FAM83B: variants seen among roughly 807,000 people sequenced by gnomAD.
The protein encoded by FAM83B is protein FAM83B.
FAM83B carries 26 observed loss-of-function variants against 38.8 expected under a neutral mutation model. The ratio of observed to expected loss-of-function variants is 0.67; its 90% CI spans 0.49 to 0.93. The LOEUF (loss-of-function observed/expected upper bound fraction) is 0.93, where lower values mean the gene tolerates loss of function less well. Ranked by LOEUF, FAM83B falls within the 40% of genes least tolerant of loss-of-function variation. The pLI is 0.00. For synonymous variants in FAM83B, 419 were observed against 423.1 expected (o/e 0.99, Z 0.12); for missense variants, 1,237 against 1,197.3 (o/e 1.03, Z -0.49).
At chr6:54,863,437 G>C (rs987628078) in intron 1 of FAM83B, among the ~76,000 whole-genome samples, 4 of 150,780 alleles carry the variant, frequency 2.7e-5, no homozygotes, top group Non-Finnish European at 4.4e-5. Flanking sequence ...TTTTCCTGGT[G>C]AGCACCATGA....
At chr6:54,884,654 C>T (rs915888408) in intron 2 of FAM83B, among the ~76,000 whole-genome samples, 1 of 152,106 alleles carries the variant, frequency 6.6e-6, no homozygotes, top group African/African-American at 2.4e-5. Flanking sequence ...TGACCACTTA[C>T]ATATGGGTAT....
At chr6:54,891,278 C>T (rs1049111050) in intron 2 of FAM83B, among the ~76,000 whole-genome samples, 1 of 152,138 alleles carries the variant, frequency 6.6e-6, no homozygotes, top group African/African-American at 2.4e-5. Context: ...CCAAGACATG[C>T]CTGCAACCTT....
intron 3 of FAM83B, among the ~76,000 whole-genome samples, chr6:54,926,779 G>A (rs937077239): frequency 1.3e-5 from 2 of 152,102 alleles, no homozygotes; most frequent in Non-Finnish European, 2.9e-5. Context: ...CCCTCCCAGA[G>A]TGGAGTGCAC....
chr6:54,884,359 A>T (rs1772216568), intron 2 of FAM83B, among the ~76,000 whole-genome samples: 1 of 148,686 alleles, frequency 6.7e-6, no homozygotes, highest in African/African-American at 2.5e-5. Context: ...GCGCATGCCT[A>T]TGATCCCAGC....
At chr6:54,859,220 C>A (rs1035142490) in intron 1 of FAM83B, among the ~76,000 whole-genome samples, 3 of 152,108 alleles carry the variant, frequency 2.0e-5, no homozygotes. Flanking sequence ...CACCACCATG[C>A]CCAGCTAACT....
intron 2 of FAM83B, among the ~76,000 whole-genome samples, chr6:54,886,645 G>C (rs1772282393): frequency 6.6e-6 from 1 of 151,732 alleles, no homozygotes; most frequent in African/African-American, 2.4e-5. Context: ...CTTCATATTG[G>C]AGGTTTGTTC....
At chr6:54,932,310 C>G (rs1162350233) in intron 4 of FAM83B, among the ~76,000 whole-genome samples, 1 of 152,114 alleles carries the variant, frequency 6.6e-6, no homozygotes, top group East Asian at 1.9e-4. Flanking sequence ...CCATGCATGG[C>G]CTTACATAAA....
intron 2 of FAM83B, among the ~76,000 whole-genome samples, chr6:54,886,843 A>G (rs1772288120): frequency 6.6e-6 from 1 of 151,908 alleles, no homozygotes; most frequent in Admixed American, 6.6e-5. Context: ...GAATTGGAAA[A>G]TAATTTTTTC....
chr6:54,907,980 TA>T (rs1245685733), intron 2 of FAM83B, among the ~76,000 whole-genome samples: 1 of 151,992 alleles, frequency 6.6e-6, no homozygotes, highest in African/African-American at 2.4e-5. Context: ...ACTTAAGGAA[TA>T]AAAAATTACC....
At chr6:54,923,283 A>G (rs1342976588) in intron 2 of FAM83B, among the ~76,000 whole-genome samples, 1 of 152,116 alleles carries the variant, frequency 6.6e-6, no homozygotes, top group South Asian at 2.1e-4. Context: ...CATTTATCCT[A>G]CCTTCATTTC....
intron 2 of FAM83B, among the ~76,000 whole-genome samples, chr6:54,889,553 C>A (rs1427655603): frequency 6.6e-6 from 1 of 152,060 alleles, no homozygotes; most frequent in African/African-American, 2.4e-5. Flanking sequence ...TTGCATATAA[C>A]CTACATACAT....
At chr6:54,846,727 C>T (rs1048175503), upstream of FAM83B, 1 of 152,254 alleles carries the variant, frequency 6.6e-6, no homozygotes, top group African/African-American at 2.4e-5. Flanking sequence ...TAACTCCCCT[C>T]CCCTCCCTGC....
chr6:54,862,070 C>G (rs1771597794), intron 1 of FAM83B, among the ~76,000 whole-genome samples: 1 of 152,138 alleles, frequency 6.6e-6, no homozygotes, highest in African/African-American at 2.4e-5. Flanking sequence ...TCTAAGAAAA[C>G]CCAGGTGGGG....
At chr6:54,872,883 G>A (rs1187568488) in intron 2 of FAM83B, among the ~76,000 whole-genome samples, 1 of 151,904 alleles carries the variant, frequency 6.6e-6, no homozygotes, top group Non-Finnish European at 1.5e-5. Flanking sequence ...TTTTCTACTT[G>A]TATAGCTATA....
rs997868147 is a variant in FAM83B, at chr6:54,943,702, G to T, written c.*1695G>T. On this transcript the variant is annotated 3_prime_UTR_variant, in exon 5 of 5. Coordinates refer to ENST00000306858, the MANE Select transcript of FAM83B (RefSeq NM_001010872.3). ...CCAGAACCCACAGTTAACCAAACTA[G>T]ACTGACTTTGTTATTACCCATTCTT... 2.6e-5 allele frequency: 4 copies of T among 152,150 alleles called. No individual in the cohort carries two copies. Among genetic ancestry groups the T allele is most frequent in the African/African-American group, 9.7e-5 (4 of 41,444 alleles). 9.4% of individuals were successfully genotyped at this position (152,150 alleles called of 1,614,324 possible). A position where few individuals can be genotyped will look rare whatever the true frequency, so the allele number is the denominator to read the frequency against.
At chr6:54,872,759 C>T (rs1207681952) in intron 2 of FAM83B, among the ~76,000 whole-genome samples, 1 of 152,158 alleles carries the variant, frequency 6.6e-6, no homozygotes, top group Non-Finnish European at 1.5e-5. Flanking sequence ...AGGACTCCCA[C>T]TTGAATTAGC....
intron 2 of FAM83B, among the ~76,000 whole-genome samples, chr6:54,918,198 G>C (rs766104623): frequency 4.6e-5 from 7 of 152,070 alleles, no homozygotes; most frequent in Non-Finnish European, 1.0e-4. Flanking sequence ...ATGCTTCATA[G>C]TTTCTTAGTA....
intron 2 of FAM83B, among the ~76,000 whole-genome samples, chr6:54,879,152 C>T (rs2127577359): frequency 6.6e-6 from 1 of 152,248 alleles, no homozygotes; most frequent in South Asian, 2.1e-4. Flanking sequence ...TCCGTAACCC[C>T]AGTCACTGAC....
intron 2 of FAM83B, among the ~76,000 whole-genome samples, chr6:54,879,176 CAT>C (rs1249383919): frequency 2.6e-5 from 4 of 152,186 alleles, no homozygotes; most frequent in African/African-American, 7.2e-5. Flanking sequence ...TGGCAACACA[CAT>C]GTCTAAGTAT....
Sources: allele counts gnomAD v4.1 joint callset (sites outside exome capture counted in the v4.1 genomes callset), GRCh38; gene constraint gnomAD v4.1.1; transcripts MANE v1.5; gene names NCBI Gene and HGNC (gene_info 2026-07-23, HGNC 2026-07-21).